AKR1C8: variants seen among roughly 807,000 people sequenced by gnomAD.
AKR1C8 encodes aldo-keto reductase family 1 member C8.
At chr10:5,152,457 G>T in the AKR1C8 span, among the ~76,000 whole-genome samples, 1 of 152,152 alleles carries the variant, frequency 6.6e-6, no homozygotes, top group African/African-American at 2.4e-5. Context: ...TGTATAAACT[G>T]CTCAGAAAAT....
At chr10:5,156,636 A>G in the AKR1C8 span, among the ~76,000 whole-genome samples, 20 of 152,218 alleles carry the variant, frequency 1.3e-4, no homozygotes, top group Middle Eastern at 6.8e-3. Context: ...CTTTTTAAAA[A>G]TGTACTTCAG....
At chr10:5,143,491 C>T in the AKR1C8 span, among the ~76,000 whole-genome samples, 1 of 152,126 alleles carries the variant, frequency 6.6e-6, no homozygotes, top group Non-Finnish European at 1.5e-5. Context: ...GGCCATGGCA[C>T]TGGCTTTCAT....
At chr10:5,180,710 C>T in the AKR1C8 span, among the ~76,000 whole-genome samples, 7 of 152,226 alleles carry the variant, frequency 4.6e-5, no homozygotes. Flanking sequence ...CTCCCCCAGC[C>T]TGGCTGTCGC....
chr10:5,163,933 C>T, the AKR1C8 span, among the ~76,000 whole-genome samples: 1 of 151,898 alleles, frequency 6.6e-6, no homozygotes, highest in Non-Finnish European at 1.5e-5. Flanking sequence ...CATAGAAATG[C>T]CCCTGTCCTT....
the AKR1C8 span, among the ~76,000 whole-genome samples, chr10:5,144,782 G>T: frequency 6.6e-6 from 1 of 152,130 alleles, no homozygotes; most frequent in African/African-American, 2.4e-5. Context: ...TGAGACAATG[G>T]GGTTTTCTAG....
chr10:5,132,773 G>C, the AKR1C8 span: 8 of 1,280,136 alleles, frequency 6.2e-6, no homozygotes, highest in Non-Finnish European at 8.8e-6. Context: ...TAGGAACCCG[G>C]AGGAGTAATG....
the AKR1C8 span, among the ~76,000 whole-genome samples, chr10:5,151,085 G>A: frequency 2.4e-3 from 372 of 152,206 alleles, 1 homozygote; most frequent in Non-Finnish European, 4.0e-3. Context: ...CTGTCCTCTT[G>A]CACTGAGTCA....
chr10:5,124,414 G>A, the AKR1C8 span, among the ~76,000 whole-genome samples: 1 of 152,104 alleles, frequency 6.6e-6, no homozygotes, highest in South Asian at 2.1e-4. Flanking sequence ...AAGGGAAAGA[G>A]TTAAGCTTTT....
At chr10:5,164,723 T>C in the AKR1C8 span, among the ~76,000 whole-genome samples, 1 of 152,112 alleles carries the variant, frequency 6.6e-6, no homozygotes. Flanking sequence ...TCCAGTTTTC[T>C]TTCATGGAAG....
At chr10:5,146,242 G>T in the AKR1C8 span, among the ~76,000 whole-genome samples, 12,905 of 150,582 alleles carry the variant, frequency 0.086, 780 homozygotes, top group East Asian at 0.2. Flanking sequence ...GAGATATACC[G>T]AATGCTAGAT....
chr10:5,135,411 G>A, the AKR1C8 span, among the ~76,000 whole-genome samples: 1 of 152,130 alleles, frequency 6.6e-6, no homozygotes, highest in Non-Finnish European at 1.5e-5. Context: ...ATTGAATCCA[G>A]TGCACTTGTT....
the AKR1C8 span, among the ~76,000 whole-genome samples, chr10:5,179,375 T>A: frequency 2.3e-4 from 35 of 152,200 alleles, no homozygotes; most frequent in Non-Finnish European, 4.1e-4. Flanking sequence ...CTTCCCTTTG[T>A]GGGTAACCCG....
the AKR1C8 span, among the ~76,000 whole-genome samples, chr10:5,156,999 A>G: frequency 6.6e-6 from 1 of 152,202 alleles, no homozygotes; most frequent in Non-Finnish European, 1.5e-5. Context: ...GGTTTACAAG[A>G]TAACTTCACT....
chr10:5,156,025 G>A, the AKR1C8 span, among the ~76,000 whole-genome samples: 1 of 152,110 alleles, frequency 6.6e-6, no homozygotes, highest in African/African-American at 2.4e-5. Context: ...AATATTTATT[G>A]AGAATTGCTT....
At chr10:5,145,439 C>T in the AKR1C8 span, among the ~76,000 whole-genome samples, 1 of 152,008 alleles carries the variant, frequency 6.6e-6, no homozygotes, top group East Asian at 1.9e-4. Context: ...ATTTTCGCAA[C>T]CTACTCATCT....
the AKR1C8 span, among the ~76,000 whole-genome samples, chr10:5,151,120 C>T: frequency 2.6e-5 from 4 of 151,904 alleles, no homozygotes; most frequent in Admixed American, 6.6e-5. Context: ...GGCACAAGAC[C>T]GAATGAGCCA....
At chr10:5,138,037 G>A in the AKR1C8 span, among the ~76,000 whole-genome samples, 18 of 151,776 alleles carry the variant, frequency 1.2e-4, 1 homozygote, top group East Asian at 2.1e-3. Flanking sequence ...ATAAGGCAAA[G>A]GGCAAAAGCA....
At chr10:5,165,108 T>C in the AKR1C8 span, among the ~76,000 whole-genome samples, 1 of 152,112 alleles carries the variant, frequency 6.6e-6, no homozygotes. Context: ...ATAAGGGCCT[T>C]TTTGTCCCTA....
At chr10:5,143,792 A>G in the AKR1C8 span, among the ~76,000 whole-genome samples, 14 of 150,102 alleles carry the variant, frequency 9.3e-5, no homozygotes, top group African/African-American at 3.4e-4. Flanking sequence ...AATTTTAACC[A>G]TATTGATTTT....
Sources: allele counts gnomAD v4.1 joint callset (sites outside exome capture counted in the v4.1 genomes callset), GRCh38; gene constraint gnomAD v4.1.1; transcripts MANE v1.5; gene names NCBI Gene and HGNC (gene_info 2026-07-23, HGNC 2026-07-21).